The following PDE1C variants were observed in gnomAD, a reference collection of about 807,000 sequenced individuals.
PDE1C encodes the protein dual specificity calcium/calmodulin-dependent 3',5'-cyclic nucleotide phosphodiesterase 1C.
In PDE1C, 62 loss-of-function variants were observed where a neutral mutation model predicts 93.1. That is an observed-to-expected ratio of 0.67 (90% CI 0.54 to 0.82). The LOEUF is 0.82. Among genes scored for constraint, PDE1C ranks in the 40% least tolerant of loss-of-function variants. The pLI is 0.00. For synonymous variants in PDE1C, 325 were observed against 310.1 expected, an observed-to-expected ratio of 1.05 and a Z score of -0.50; for missense variants, 742 against 884.6, an observed-to-expected ratio of 0.84 and a Z score of 2.04.
intron 1 of PDE1C, among the ~76,000 whole-genome samples, chr7:32,355,529 G>A (rs537140787): frequency 2.9e-4 from 25 of 85,118 alleles, no homozygotes; most frequent in Non-Finnish European, 4.9e-4. Flanking sequence ...ATCTTTCTCC[G>A]TTTCTGCTTC....
chr7:32,258,650 G>T (rs1392408282), intron 1 of PDE1C, among the ~76,000 whole-genome samples: 1 of 152,122 alleles, frequency 6.6e-6, no homozygotes, highest in Non-Finnish European at 1.5e-5. Flanking sequence ...AAACAGCCAG[G>T]CCAATGAATG....
In PDE1C at chr7:31,880,766, C is replaced by T. The variant is rs775455105; in HGVS notation, c.223G>A (p.Val75Met). The T allele has an allele frequency of 5.0e-6, 8 of 1,595,342 alleles. No homozygotes were observed. ...LEYAATVLESVYIDETRRLLD... is the reference protein window; with the variant it reads ...LEYAATVLESMYIDETRRLLD... ...GCTTACCTTGTTTCATCAATATACA[C>T]AGATTCAAGCACTGTGGCTGCATAT... The change falls in exon 3 of 18, where the codon GTG (valine) becomes ATG (methionine). Residue 75 changes from valine (V) to methionine (M), a missense_variant. This residue lies in a region of PDE1C where 74 missense variants were observed against 88.2 expected (regional missense o/e 0.84). Transcript: ENST00000396191.
At chr7:32,424,575 G>A (rs1785493009) in intron 1 of PDE1C, among the ~76,000 whole-genome samples, 1 of 152,134 alleles carries the variant, frequency 6.6e-6, no homozygotes, top group Non-Finnish European at 1.5e-5. Flanking sequence ...TTGAGCCCAG[G>A]CCTGGAGGCT....
At chr7:32,332,136 G>A (rs1297551214) in intron 1 of PDE1C, among the ~76,000 whole-genome samples, 2 of 152,114 alleles carry the variant, frequency 1.3e-5, no homozygotes, top group African/African-American at 2.4e-5. Flanking sequence ...TCTATATATT[G>A]TATAGAAATC....
intron 16 of PDE1C, among the ~76,000 whole-genome samples, chr7:31,781,068 C>T (rs1045330061): frequency 2.6e-5 from 4 of 152,150 alleles, no homozygotes; most frequent in Non-Finnish European, 4.4e-5. Context: ...AACTAGAGGG[C>T]AATGAATCCA....
intron 3 of PDE1C, among the ~76,000 whole-genome samples, chr7:32,083,004 A>G: frequency 6.6e-6 from 1 of 151,196 alleles, no homozygotes; most frequent in Non-Finnish European, 1.5e-5. Context: ...CTGGACGGAG[A>G]ATGACTTTGA....
chr7:31,697,149 G>T, the PDE1C span: 8 of 1,610,880 alleles, frequency 5.0e-6, no homozygotes, highest in African/African-American at 1.1e-4. Context: ...ATTTGCAGGG[G>T]GTGATGGGGA....
At chr7:32,202,030 C>A (rs1464706977) in intron 2 of PDE1C, among the ~76,000 whole-genome samples, 1 of 152,120 alleles carries the variant, frequency 6.6e-6, no homozygotes, top group Non-Finnish European at 1.5e-5. Flanking sequence ...CACCACCATC[C>A]CAGGTACTCA....
intron 1 of PDE1C, among the ~76,000 whole-genome samples, chr7:32,333,892 G>A (rs993512292): frequency 6.6e-6 from 1 of 152,154 alleles, no homozygotes; most frequent in Admixed American, 6.5e-5. Context: ...TTAAGGGTTA[G>A]GCCTTTTGAA....
chr7:32,394,540 A>T (rs879279845), intron 1 of PDE1C, among the ~76,000 whole-genome samples: 2 of 152,124 alleles, frequency 1.3e-5, no homozygotes, highest in Non-Finnish European at 2.9e-5. Flanking sequence ...GGGCACATTG[A>T]CTCATGCCTG....
chr7:31,877,826 C>G (rs1262129201), intron 5 of PDE1C, 144 bp downstream of exon 5: 1 of 597,130 alleles, frequency 1.7e-6, no homozygotes, highest in Admixed American at 3.2e-5. Context: ...ACTGTTAGAA[C>G]AAATAATAAA....
intron 2 of PDE1C, among the ~76,000 whole-genome samples, chr7:31,998,223 G>A (rs1243310226): frequency 6.6e-6 from 1 of 151,964 alleles, no homozygotes; most frequent in African/African-American, 2.4e-5. Flanking sequence ...GTTTCACCAT[G>A]TTAGCCAGGA....
rs768482189 is a variant in PDE1C, at chr7:32,331,280, T to C, written c.310+96542A>G. On this transcript the variant is annotated intron_variant, in intron 1 of 1. Transcript: ENST00000672256. ...CTGAGACAGTGATTCAGAATTGACA[T>C]GTGGCCTTGACTTAGACACTAGGTT... Among the ~76,000 whole-genome samples the C allele has an allele frequency of 5.2e-4, 79 of 152,328 alleles. 1 individual carries two copies. The highest frequency in any genetic ancestry group is 1.3e-4 in the Non-Finnish European group (9 of 68,020).
intron 17 of PDE1C, among the ~76,000 whole-genome samples, chr7:31,762,402 G>A (rs562392119): frequency 2.0e-4 from 30 of 152,092 alleles, no homozygotes; most frequent in East Asian, 1.9e-4. Flanking sequence ...GTGCAGTGGC[G>A]CCATCCCGGG....
At chr7:31,825,306 T>A (rs1366507974) in intron 12 of PDE1C, among the ~76,000 whole-genome samples, 1 of 152,130 alleles carries the variant, frequency 6.6e-6, no homozygotes, top group African/African-American at 2.4e-5. Flanking sequence ...GTTGTGACAT[T>A]TGAGCTGAAC....
chr7:31,888,546 T>C (rs1365568485), intron 2 of PDE1C, among the ~76,000 whole-genome samples: 1 of 152,100 alleles, frequency 6.6e-6, no homozygotes, highest in Admixed American at 6.5e-5. Flanking sequence ...TTACTACAGA[T>C]TCTGTGGACA....
intron 1 of PDE1C, among the ~76,000 whole-genome samples, chr7:32,420,353 GTATATATATATGTGTATATATATGTGTA>G (rs1562717062): frequency 0.02 from 291 of 14,444 alleles, 90 homozygotes; most frequent in East Asian, 0.072. Context: ...ATATATATGT[GTATATATATATGTGTATATATATGTGTA>G]TATATATATA....
intron 1 of PDE1C, among the ~76,000 whole-genome samples, chr7:32,272,707 A>G (rs751777284): frequency 2.0e-5 from 3 of 152,212 alleles, no homozygotes; most frequent in Non-Finnish European, 4.4e-5. Flanking sequence ...TTCTAACTCA[A>G]TAGTGACACC....
intron 17 of PDE1C, among the ~76,000 whole-genome samples, chr7:31,765,204 C>T (rs751430628): frequency 1.3e-5 from 2 of 152,068 alleles, no homozygotes; most frequent in East Asian, 1.9e-4. Context: ...CTGGAAAAAT[C>T]GGCTCTTTTT....
Sources: gnomAD v4.1 joint callset for allele counts (sites outside exome capture counted in the v4.1 genomes callset) on GRCh38, gnomAD v4.1.1 for gene constraint, gnomAD v4.1.1 regional missense constraint, MANE v1.5 for transcripts, NCBI Gene and HGNC (gene_info 2026-07-23, HGNC 2026-07-21) for gene names.